Variants in PGAP1 observed in about 807,000 individuals in gnomAD.
PGAP1 encodes the protein GPI inositol-deacylase.
In PGAP1, 76 loss-of-function variants were observed where a neutral mutation model predicts 127.0. That is an observed-to-expected ratio of 0.60 (90% CI 0.50 to 0.72). The LOEUF is 0.72. PGAP1 is among the 30% of genes least tolerant of loss of function. The pLI is 0.00. For synonymous variants in PGAP1, 362 were observed against 366.5 expected (o/e 0.99, Z 0.14); for missense variants, 982 against 1,071.3 (o/e 0.92, Z 1.16).
At chr2:196,875,159 G>A (rs1328465285) in intron 14 of PGAP1, among the ~76,000 whole-genome samples, 1 of 152,206 alleles carries the variant, frequency 6.6e-6, no homozygotes, top group East Asian at 1.9e-4. Flanking sequence ...AGACTTAGGA[G>A]TCATGACAAC....
intron 24 of PGAP1, 63 bp downstream of exon 24, chr2:196,844,460 AC>A: frequency 8.6e-7 from 1 of 1,166,940 alleles, no homozygotes; most frequent in South Asian, 1.5e-5. Context: ...AAAAAAAAAA[AC>A]TCTTATATTT....
chr2:196,923,956 C>T (rs563618663), intron 1 of PGAP1, among the ~76,000 whole-genome samples: 1 of 152,314 alleles, frequency 6.6e-6, no homozygotes, highest in Admixed American at 6.5e-5. Flanking sequence ...AAAGTTTTGC[C>T]TTGCTGTCGT....
chr2:196,885,892 C>G lies in PGAP1; in HGVS notation c.1174-12G>C. 1 of 1,384,680 alleles carries G rather than the reference C, an allele frequency of 7.2e-7. No individual in the cohort carries two copies. Among genetic ancestry groups the G allele is most frequent in the African/African-American group, 1.5e-5 (1 of 67,136 alleles). 85.8% of individuals were successfully genotyped at this position (1,384,680 alleles called of 1,614,324 possible). A position where few individuals can be genotyped will look rare whatever the true frequency, so the allele number is the denominator to read the frequency against. On this transcript the variant is annotated splice_polypyrimidine_tract_variant and intron_variant, in intron 10 of 26. Transcript: ENST00000354764. ...CAACTATTTGTATCCTGTTGATGAACAGCACAAAACAAAACACACTAAGTA... is the reference window on the plus strand; with the variant it reads ...CAACTATTTGTATCCTGTTGATGAAGAGCACAAAACAAAACACACTAAGTA...
chr2:196,841,153 C>T lies in PGAP1; in HGVS notation c.*81G>A. 4.5e-6 allele frequency: 6 copies of T among 1,324,054 alleles called. No homozygotes were observed. The highest frequency in any genetic ancestry group is 6.1e-6 in the Non-Finnish European group (6 of 981,172). The allele number at this position is 1,324,054 out of a possible 1,614,324, so 82.0% of individuals were successfully genotyped here. On this transcript the variant is annotated 3_prime_UTR_variant, in exon 27 of 27. Coordinates refer to ENST00000354764, the MANE Select transcript of PGAP1 (RefSeq NM_024989.4). ...TGTCTTCTCCAAAGGATCTTGCTGT[C>T]CATACTGATGGATCTGTGTGTTCCC...
At chr2:196,864,295 C>G (rs1701163027) in intron 20 of PGAP1, among the ~76,000 whole-genome samples, 1 of 138,660 alleles carries the variant, frequency 7.2e-6, no homozygotes, top group Admixed American at 8.3e-5. Flanking sequence ...GAGGTTGAGG[C>G]AGTAGAATCA....
At chr2:196,905,941 G>T (rs1328816147) in intron 4 of PGAP1, among the ~76,000 whole-genome samples, 1 of 68,132 alleles carries the variant, frequency 1.5e-5, no homozygotes, top group African/African-American at 5.6e-5. Context: ...ACCTGGCTCA[G>T]AGGGTCCTAC....
chr2:196,875,885 T>C, intron 13 of PGAP1, 64 bp from the exon 14 acceptor site: 2 of 822,522 alleles, frequency 2.4e-6, no homozygotes, highest in Non-Finnish European at 3.9e-6. Context: ...GTATCTTTAC[T>C]TGATGTTTGA....
chr2:196,858,407 A>G (rs530542988), intron 20 of PGAP1, among the ~76,000 whole-genome samples: 1 of 152,164 alleles, frequency 6.6e-6, no homozygotes, highest in Non-Finnish European at 1.5e-5. Flanking sequence ...GTCTCAAAAA[A>G]AAAAAATTGA....
intron 20 of PGAP1, among the ~76,000 whole-genome samples, chr2:196,863,732 C>A (rs1318544713): frequency 2.0e-5 from 3 of 152,152 alleles, no homozygotes; most frequent in Non-Finnish European, 2.9e-5. Flanking sequence ...CGCCCACCAC[C>A]AAGCCTGGAT....
intron 20 of PGAP1, among the ~76,000 whole-genome samples, chr2:196,864,741 A>C (rs181516870): frequency 6.6e-6 from 1 of 152,318 alleles, no homozygotes; most frequent in African/African-American, 2.4e-5. Flanking sequence ...CGTAATAAAG[A>C]TGCAGAGAAG....
intron 20 of PGAP1, among the ~76,000 whole-genome samples, chr2:196,862,975 T>C (rs1021605378): frequency 2.0e-5 from 3 of 152,140 alleles, no homozygotes; most frequent in Non-Finnish European, 4.4e-5. Flanking sequence ...ATGTTCAACA[T>C]CACTAATCAC....
At chr2:196,887,830 C>T (rs1701967621) in intron 10 of PGAP1, among the ~76,000 whole-genome samples, 1 of 152,184 alleles carries the variant, frequency 6.6e-6, no homozygotes, top group African/African-American at 2.4e-5. Flanking sequence ...TATCAGTTAC[C>T]TGTACTTCCC....
intron 16 of PGAP1, 131 bp downstream of exon 16, chr2:196,873,397 G>A: frequency 3.0e-6 from 2 of 674,744 alleles, no homozygotes; most frequent in South Asian, 4.3e-5. Context: ...TAAACAACCT[G>A]TTATAAATTT....
chr2:196,851,908 C>T (rs578155994), intron 20 of PGAP1, among the ~76,000 whole-genome samples: 2 of 152,166 alleles, frequency 1.3e-5, no homozygotes, highest in African/African-American at 2.4e-5. Flanking sequence ...ACGGAATTTA[C>T]ATTCTGTTCG....
chr2:196,873,491 T>C (rs1263754821), intron 16 of PGAP1, 37 bp downstream of exon 16: 2 of 1,496,580 alleles, frequency 1.3e-6, no homozygotes, highest in Admixed American at 1.8e-5. Flanking sequence ...CAAATGACAA[T>C]ATTATTTTCT....
At chr2:196,903,389 C>T (rs952668290) in intron 4 of PGAP1, among the ~76,000 whole-genome samples, 17 of 151,332 alleles carry the variant, frequency 1.1e-4, no homozygotes, top group African/African-American at 4.1e-4. Flanking sequence ...GGTGAAAGCC[C>T]ATCTCTACTA....
Position 196,885,893 on chromosome 2 carries a change from A to G in PGAP1, c.1174-13T>C. The G allele has an allele frequency of 1.4e-6, 2 of 1,386,994 alleles. No homozygotes were observed. 85.9% of individuals were successfully genotyped at this position (1,386,994 alleles called of 1,614,324 possible). On this transcript the variant is annotated splice_polypyrimidine_tract_variant and intron_variant, in intron 10 of 26. Coordinates refer to ENST00000354764, the MANE Select transcript of PGAP1 (RefSeq NM_024989.4). Reference sequence around the variant, plus strand: ...AACTATTTGTATCCTGTTGATGAACAGCACAAAACAAAACACACTAAGTAT... The same window carrying G: ...AACTATTTGTATCCTGTTGATGAACGGCACAAAACAAAACACACTAAGTAT...
intron 2 of PGAP1, among the ~76,000 whole-genome samples, chr2:196,919,346 C>A (rs185075085): frequency 6.6e-6 from 1 of 152,136 alleles, no homozygotes; most frequent in African/African-American, 2.4e-5. Flanking sequence ...TGAATAAACA[C>A]GTAAATAATT....
At chr2:196,888,733 C>A (rs1701998490) in intron 10 of PGAP1, among the ~76,000 whole-genome samples, 1 of 151,812 alleles carries the variant, frequency 6.6e-6, no homozygotes, top group African/African-American at 2.4e-5. Context: ...TTTAAGTGAA[C>A]CAAGGAAAAC....
Sources: gnomAD v4.1 joint callset for allele counts (sites outside exome capture counted in the v4.1 genomes callset) on GRCh38, gnomAD v4.1.1 for gene constraint, MANE v1.5 for transcripts, NCBI Gene and HGNC (gene_info 2026-07-23, HGNC 2026-07-21) for gene names.